Variants in SLC29A3 observed in about 807,000 individuals in gnomAD.
SLC29A3 encodes the protein solute carrier family 29 member 3, also known as equilibrative nucleoside transporter 3.
Under a neutral mutation model 25.4 loss-of-function variants are expected in SLC29A3, and 18 were observed. The observed-to-expected ratio is 0.71, with a 90% CI of 0.49 to 1.05. The LOEUF (loss-of-function observed/expected upper bound fraction) is 1.05, where lower values mean the gene tolerates loss of function less well. Among genes scored for constraint, SLC29A3 ranks in the 50% least tolerant of loss-of-function variants. SLC29A3 has a pLI of 0.00. For synonymous variants in SLC29A3, 258 were observed against 267.1 expected, an observed-to-expected ratio of 0.97 and a Z score of 0.33; for missense variants, 586 against 609.0, an observed-to-expected ratio of 0.96 and a Z score of 0.40.
chr10:71,364,628 G>A (rs780683), downstream of SLC29A3: 114,258 of 152,112 alleles, frequency 0.75, 44,066 homozygotes, highest in Non-Finnish European at 0.85. Flanking sequence ...CTCTGCAGAA[G>A]CGCACTGGCT....
chr10:71,335,649 C>A (rs1220011685), intron 2 of SLC29A3, among the ~76,000 whole-genome samples: 1 of 152,060 alleles, frequency 6.6e-6, no homozygotes, highest in African/African-American at 2.4e-5. Flanking sequence ...GAAGGAGAAA[C>A]CAAGGAAGCT....
intron 2 of SLC29A3, among the ~76,000 whole-genome samples, chr10:71,335,790 T>A (rs1409462198): frequency 3.3e-5 from 5 of 152,050 alleles, no homozygotes; most frequent in African/African-American, 1.2e-4. Flanking sequence ...GCGGTTGTTC[T>A]GGATGAAGAG....
At chr10:71,374,334 C>T (rs1847233874) in intron 3 of SLC29A3, among the ~76,000 whole-genome samples, 1 of 152,198 alleles carries the variant, frequency 6.6e-6, no homozygotes. Flanking sequence ...TTCCCACCCC[C>T]TCAGGACATG....
At chr10:71,360,335 G>T (rs1847023879) in intron 5 of SLC29A3, among the ~76,000 whole-genome samples, 1 of 151,828 alleles carries the variant, frequency 6.6e-6, no homozygotes, top group Non-Finnish European at 1.5e-5. Context: ...GTAGAGGTGG[G>T]GTTTCACCAT....
chr10:71,321,628 G>T (rs1845848011), intron 1 of SLC29A3, among the ~76,000 whole-genome samples: 1 of 152,248 alleles, frequency 6.6e-6, no homozygotes, highest in African/African-American at 2.4e-5. Flanking sequence ...TTCAACAGCT[G>T]CTTATAGGCC....
chr10:71,322,685 G>A, intron 1 of SLC29A3, 71 bp from the exon 2 acceptor site: 2 of 1,568,962 alleles, frequency 1.3e-6, no homozygotes, highest in Admixed American at 1.7e-5. Flanking sequence ...GGCTGGGTGG[G>A]TCCCCAGCTG....
At chr10:71,324,366 C>T (rs1478842399) in intron 2 of SLC29A3, among the ~76,000 whole-genome samples, 1 of 152,148 alleles carries the variant, frequency 6.6e-6, no homozygotes, top group African/African-American at 2.4e-5. Context: ...ATTTCCTATT[C>T]CTGGTTCTGT....
At position 71,351,642 on chromosome 10, in the gene SLC29A3, T is replaced by C. The variant is rs779031920; in HGVS notation, c.464T>C (p.Val155Ala). Reference protein sequence around the residue: ...IFMVITALVKVDTSSWTRGFF... With the variant: ...IFMVITALVKADTSSWTRGFF... Reference sequence around the variant, plus strand: ...ATGGTGATAACTGCACTGGTGAAGGTGGACACTTCCTCCTGGACCCGTGGC... The same window carrying C: ...ATGGTGATAACTGCACTGGTGAAGGCGGACACTTCCTCCTGGACCCGTGGC... Residue 155 changes from valine (V) to alanine (A), a missense_variant, in exon 4 of 6, where the codon GTG becomes GCG. Physicochemically the swap from Val to Ala is moderately conservative, Grantham distance 64 (BLOSUM62 0). Coordinates refer to ENST00000373189, the MANE Select transcript of SLC29A3 (RefSeq NM_018344.6). 9 of 1,614,032 alleles carry C rather than the reference T, an allele frequency of 5.6e-6. No homozygotes were observed. Among genetic ancestry groups the C allele is most frequent in the Non-Finnish European group, 5.9e-6 (7 of 1,180,010 alleles).
At chr10:71,329,498 C>T (rs1168171267) in intron 2 of SLC29A3, among the ~76,000 whole-genome samples, 2 of 151,744 alleles carry the variant, frequency 1.3e-5, no homozygotes, top group East Asian at 1.9e-4. Flanking sequence ...CCACATCCCA[C>T]GTGTTCCACT....
chr10:71,321,554 A>T (rs772338300), intron 1 of SLC29A3, among the ~76,000 whole-genome samples: 5 of 152,234 alleles, frequency 3.3e-5, no homozygotes, highest in Non-Finnish European at 7.3e-5. Flanking sequence ...CTTACAGCCA[A>T]ATTCAGCAGC....
At chr10:71,359,011 A>G (rs893344631) in intron 5 of SLC29A3, among the ~76,000 whole-genome samples, 2 of 152,160 alleles carry the variant, frequency 1.3e-5, no homozygotes, top group Non-Finnish European at 2.9e-5. Context: ...CCAGGGCTCA[A>G]GCGATCCTCA....
chr10:71,377,688 C>T (rs1384893014), intron 4 of SLC29A3, among the ~76,000 whole-genome samples: 4 of 152,232 alleles, frequency 2.6e-5, no homozygotes, highest in Admixed American at 2.6e-4. Flanking sequence ...CCCCAGATCA[C>T]TCATTCCTAC....
intron 2 of SLC29A3, among the ~76,000 whole-genome samples, chr10:71,323,467 G>A (rs1226485817): frequency 6.6e-6 from 1 of 152,250 alleles, no homozygotes; most frequent in African/African-American, 2.4e-5. Context: ...AGTGCAAGAC[G>A]GCTGTTGTAA....
intron 1 of SLC29A3, among the ~76,000 whole-genome samples, chr10:71,321,011 C>A (rs1845835502): frequency 6.6e-6 from 1 of 152,122 alleles, no homozygotes; most frequent in Non-Finnish European, 1.5e-5. Flanking sequence ...GTTACTCAAC[C>A]TTTCTGAGCC....
At chr10:71,327,006 AG>A (rs1845987773) in intron 2 of SLC29A3, among the ~76,000 whole-genome samples, 1 of 152,096 alleles carries the variant, frequency 6.6e-6, no homozygotes, top group Admixed American at 6.5e-5. Flanking sequence ...TCCCTGTGAG[AG>A]GCTGCCCGTC....
At chr10:71,326,147 T>A (rs1476683972) in intron 2 of SLC29A3, among the ~76,000 whole-genome samples, 1 of 151,984 alleles carries the variant, frequency 6.6e-6, no homozygotes, top group East Asian at 1.9e-4. Flanking sequence ...CTCAAACTCC[T>A]GGGCTCAAGA....
chr10:71,319,351 G>A, intron 1 of SLC29A3, 41 bp downstream of exon 1: 3 of 623,848 alleles, frequency 4.8e-6, no homozygotes, highest in Non-Finnish European at 8.6e-6. Context: ...CTACGGTCCC[G>A]GCCGCCCCCA....
chr10:71,379,250 C>T (rs1266981916), intron 4 of SLC29A3, among the ~76,000 whole-genome samples: 3 of 152,130 alleles, frequency 2.0e-5, no homozygotes, highest in Non-Finnish European at 4.4e-5. Context: ...AGCAGGCAAG[C>T]GTTAAATGAA....
intron 3 of SLC29A3, among the ~76,000 whole-genome samples, chr10:71,373,716 C>T (rs912033549): frequency 6.6e-6 from 1 of 152,190 alleles, no homozygotes; most frequent in Non-Finnish European, 1.5e-5. Context: ...AGCTCACAGC[C>T]CTCTTCCCTT....
Sources: gnomAD v4.1 joint callset for allele counts (sites outside exome capture counted in the v4.1 genomes callset) on GRCh38, gnomAD v4.1.1 for gene constraint, MANE v1.5 for transcripts, NCBI Gene and HGNC (gene_info 2026-07-23, HGNC 2026-07-21) for gene names.